The following AFG3L2 variants were observed in gnomAD, a reference collection of about 807,000 sequenced individuals.
AFG3L2 encodes the protein mitochondrial inner membrane m-AAA protease component AFG3L2.
A neutral mutation model predicts 94.5 loss-of-function variants in AFG3L2; 54 were observed. That is an observed-to-expected ratio of 0.57 (90% CI 0.46 to 0.72). The LOEUF (loss-of-function observed/expected upper bound fraction) is 0.72. AFG3L2 is among the 30% of genes least tolerant of loss of function. The probability of loss-of-function intolerance (pLI) is 0.00; values close to 1 mark genes in which losing one functional copy is unlikely to be tolerated. For synonymous variants in AFG3L2, 377 were observed against 365.5 expected (o/e 1.03, Z -0.36); for missense variants, 754 against 994.9 (o/e 0.76, Z 3.26).
At chr18:12,337,001 A>G in intron 16 of AFG3L2, 1 of 510,898 alleles carries the variant, frequency 2.0e-6, no homozygotes, top group Non-Finnish European at 3.4e-6. Context: ...GTGAAACACA[A>G]TGGTAAACCA....
At chr18:12,339,552 CAA>C (rs57358869) in intron 15 of AFG3L2, among the ~76,000 whole-genome samples, 11 of 102,988 alleles carry the variant, frequency 1.1e-4, no homozygotes, top group Non-Finnish European at 9.3e-5. Flanking sequence ...AACTCCAGAT[CAA>C]AAAAAAAAAA....
At chr18:12,359,043 G>C in intron 7 of AFG3L2, 100 bp from the exon 8 acceptor site, 1 of 1,501,832 alleles carries the variant, frequency 6.7e-7, no homozygotes, top group Non-Finnish European at 9.1e-7. Context: ...GCTACACCAA[G>C]GTATACCTTC....
rs773169376 is a variant in AFG3L2, at chr18:12,351,387, TGAC to T, written c.1342_1344del (p.Val448del). On this transcript the variant is annotated inframe_deletion, in exon 11 of 17. Transcript: ENST00000269143. Reference sequence around the variant, plus strand: ...TCTGGTCGATTGGTGCCGGCCAAAATGACGACATTTGTTGTTGTATTAAAACCT... The same window carrying T: ...TCTGGTCGATTGGTGCCGGCCAAAATGACATTTGTTGTTGTATTAAAACCT... 1 of 1,614,074 alleles carries T rather than the reference TGAC, an allele frequency of 6.2e-7. No individual in the cohort carries two copies. Among genetic ancestry groups the T allele is most frequent in the Admixed American group, 1.7e-5 (1 of 59,998 alleles).
intron 14 of AFG3L2, 98 bp from the exon 15 acceptor site, chr18:12,340,499 C>T: frequency 1.0e-6 from 1 of 974,430 alleles, no homozygotes; most frequent in South Asian, 1.3e-5. Flanking sequence ...TAAAAATAAG[C>T]ACAACAGCCG....
At chr18:12,349,990 G>T (rs1286542697) in intron 12 of AFG3L2, among the ~76,000 whole-genome samples, 1 of 149,308 alleles carries the variant, frequency 6.7e-6, no homozygotes, top group Non-Finnish European at 1.5e-5. Flanking sequence ...AATATGTACA[G>T]AATAAAAAAA....
intron 7 of AFG3L2, 57 bp from the exon 8 acceptor site, chr18:12,359,000 A>G (rs1568142646): frequency 1.3e-6 from 2 of 1,562,274 alleles, no homozygotes; most frequent in South Asian, 1.2e-5. Context: ...CAGCTTTCAC[A>G]TGTGGTGCAA....
intron 10 of AFG3L2, among the ~76,000 whole-genome samples, chr18:12,351,675 T>C (rs1020081973): frequency 6.6e-6 from 1 of 151,924 alleles, no homozygotes; most frequent in Admixed American, 6.6e-5. Flanking sequence ...GCCTCCCGAG[T>C]AGCTGGGATT....
intron 16 of AFG3L2, among the ~76,000 whole-genome samples, chr18:12,331,292 G>A (rs936282978): frequency 1.3e-5 from 2 of 152,078 alleles, no homozygotes; most frequent in Non-Finnish European, 2.9e-5. Context: ...TCAACTAACA[G>A]CAAACTCCTC....
chr18:12,330,451 G>A (rs908610249), intron 16 of AFG3L2, among the ~76,000 whole-genome samples: 2 of 152,078 alleles, frequency 1.3e-5, no homozygotes, highest in African/African-American at 2.4e-5. Flanking sequence ...GCTTTTCTGA[G>A]GTGATAAGAA....
intron 6 of AFG3L2, chr18:12,360,313 T>C (rs1908621096): frequency 4.7e-6 from 2 of 426,186 alleles, no homozygotes; most frequent in Admixed American, 4.1e-5. Context: ...AAAAACAGAA[T>C]GAAAAACCTA....
chr18:12,339,660 A>G (rs1907877776), intron 15 of AFG3L2, among the ~76,000 whole-genome samples: 1 of 151,762 alleles, frequency 6.6e-6, no homozygotes, highest in Non-Finnish European at 1.5e-5. Flanking sequence ...CATCCTGGCT[A>G]ACACGGTGAA....
chr18:12,339,891 A>G (rs1907890694), intron 15 of AFG3L2, among the ~76,000 whole-genome samples: 1 of 147,656 alleles, frequency 6.8e-6, no homozygotes, highest in South Asian at 2.1e-4. Context: ...GTGGTGGCGC[A>G]TGCCTGTAAT....
chr18:12,363,907 A>G, intron 5 of AFG3L2, 51 bp from the exon 6 acceptor site: 1 of 1,338,014 alleles, frequency 7.5e-7, no homozygotes, highest in South Asian at 1.2e-5. Context: ...AATACTTGAG[A>G]TACTCTTTTA....
chr18:12,359,778 A>C (rs1908603432), intron 7 of AFG3L2, 149 bp downstream of exon 7: 1 of 1,001,108 alleles, frequency 1.0e-6, no homozygotes, highest in Admixed American at 2.2e-5. Flanking sequence ...TGCAAAAACT[A>C]GTGAGTTACT....
intron 7 of AFG3L2, among the ~76,000 whole-genome samples, chr18:12,359,347 TCAATG>T (rs1240992231): frequency 6.6e-6 from 1 of 151,948 alleles, no homozygotes; most frequent in Admixed American, 6.6e-5. Flanking sequence ...CTACCAAAGG[TCAATG>T]CATTGAATGT....
In AFG3L2 at chr18:12,369,340, A is replaced by G. The variant is rs1381803789; in HGVS notation, c.292+1509T>C. ...CCCGGGGCTGTCACCAGCCCACACC[A>G]GTGCTTCTCCCTCCCCATGTCCCCT... is the stretch of plus-strand genomic sequence containing the variant. On this transcript the variant is annotated intron_variant, in intron 3 of 16. Coordinates refer to ENST00000269143, the MANE Select transcript of AFG3L2 (RefSeq NM_006796.3). Among the ~76,000 whole-genome samples, 3 of 151,972 alleles carry G rather than the reference A, an allele frequency of 2.0e-5. No homozygotes were observed. In the East Asian group the frequency reaches 5.8e-4, roughly 29 times the overall value.
chr18:12,332,854 AC>A (rs1907580552), intron 16 of AFG3L2, among the ~76,000 whole-genome samples: 1 of 62,890 alleles, frequency 1.6e-5, no homozygotes, highest in African/African-American at 4.7e-5. Context: ...ACACACACAC[AC>A]CATAGTTGTG....
At position 12,356,675 on chromosome 18, in the gene AFG3L2, C is replaced by T. The variant is rs780852605; in HGVS notation, c.1164+19G>A. On this transcript the variant is annotated intron_variant, in intron 9 of 16. Coordinates refer to ENST00000269143, the MANE Select transcript of AFG3L2 (RefSeq NM_006796.3). Reference sequence around the variant, plus strand: ...GTGGGTGCAAGGAAGCTGTACCATCCGAACAGAATGAGACTCACTCTAGCA... The same window carrying T: ...GTGGGTGCAAGGAAGCTGTACCATCTGAACAGAATGAGACTCACTCTAGCA... The T allele has an allele frequency of 6.2e-6, 10 of 1,613,984 alleles. No homozygotes were observed. Among genetic ancestry groups the T allele is most frequent in the South Asian group, 2.2e-5 (2 of 91,056 alleles).
intron 16 of AFG3L2, among the ~76,000 whole-genome samples, chr18:12,331,855 AT>A: frequency 2.3e-5 from 1 of 43,320 alleles, no homozygotes; most frequent in African/African-American, 6.2e-5. Context: ...ATATATATAT[AT>A]ATATAAAACA....
Sources: gnomAD v4.1 joint callset for allele counts (sites outside exome capture counted in the v4.1 genomes callset) on GRCh38, gnomAD v4.1.1 for gene constraint, MANE v1.5 for transcripts, NCBI Gene and HGNC (gene_info 2026-07-23, HGNC 2026-07-21) for gene names.